SCN11A: variants seen among roughly 807,000 people sequenced by gnomAD.
The protein encoded by SCN11A is sodium channel protein type 11 subunit alpha.
SCN11A carries 122 observed loss-of-function variants against 162.2 expected under a neutral mutation model. That is an observed-to-expected ratio of 0.75 (90% CI 0.65 to 0.87). The LOEUF is 0.87. Ranked by LOEUF, SCN11A falls within the 40% of genes least tolerant of loss-of-function variation. The pLI is 0.00. For missense variants in SCN11A, 2,015 were observed against 2,181.6 expected (o/e 0.92, Z 1.52); for synonymous variants, 758 against 751.5 (o/e 1.01, Z -0.14).
chr3:38,935,180 C>T (rs964672046), intron 7 of SCN11A, among the ~76,000 whole-genome samples: 95 of 152,042 alleles, frequency 6.2e-4, no homozygotes, highest in Non-Finnish European at 1.1e-3. Context: ...TTGAAACCAA[C>T]GAGAGCAGAC....
chr3:38,929,131 G>GCGCGCGCGCGCA (rs774058202), intron 7 of SCN11A, among the ~76,000 whole-genome samples: 1 of 36,994 alleles, frequency 2.7e-5, no homozygotes, highest in East Asian at 9.0e-4. Context: ...CTGGGTCTGT[G>GCGCGCGCGCGCA]CACGCACACA....
intron 7 of SCN11A, among the ~76,000 whole-genome samples, chr3:38,944,175 T>C (rs2066481250): frequency 6.6e-6 from 1 of 152,176 alleles, no homozygotes; most frequent in South Asian, 2.1e-4. Context: ...CTCCATAAAT[T>C]AGAGAAGAAA....
At chr3:38,899,218 G>A (rs544202773) in intron 17 of SCN11A, among the ~76,000 whole-genome samples, 14 of 152,198 alleles carry the variant, frequency 9.2e-5, no homozygotes, top group Admixed American at 7.8e-4. Context: ...TACCTTTCCT[G>A]GGCTCTGTCA....
intron 24 of SCN11A, 145 bp downstream of exon 24, chr3:38,872,048 C>A: frequency 1.5e-6 from 1 of 674,306 alleles, no homozygotes. Flanking sequence ...TTTTCTCTAC[C>A]CCTCAAATTC....
chr3:38,927,793 T>A (rs2066167492), intron 7 of SCN11A, among the ~76,000 whole-genome samples: 1 of 152,128 alleles, frequency 6.6e-6, no homozygotes, highest in Non-Finnish European at 1.5e-5. Flanking sequence ...ATTACGAGAA[T>A]AGCATGGGGG....
intron 19 of SCN11A, among the ~76,000 whole-genome samples, chr3:38,889,163 T>C (rs879801336): frequency 1.6e-4 from 25 of 152,134 alleles, no homozygotes; most frequent in Non-Finnish European, 3.2e-4. Context: ...CGGTGGCTTA[T>C]GCCTGTAATT....
intron 2 of SCN11A, among the ~76,000 whole-genome samples, chr3:38,997,154 A>G (rs1215751978): frequency 6.6e-6 from 1 of 152,076 alleles, no homozygotes; most frequent in Non-Finnish European, 1.5e-5. Flanking sequence ...CGTTTCTCTC[A>G]AAGTCTTCAC....
intron 2 of SCN11A, among the ~76,000 whole-genome samples, chr3:38,975,158 C>T (rs2066841602): frequency 6.6e-6 from 1 of 151,848 alleles, no homozygotes; most frequent in Non-Finnish European, 1.5e-5. Flanking sequence ...AAAATACAGA[C>T]AATTTCAGAC....
chr3:38,978,617 G>C (rs2066863419), intron 2 of SCN11A, among the ~76,000 whole-genome samples: 1 of 151,502 alleles, frequency 6.6e-6, no homozygotes, highest in Non-Finnish European at 1.5e-5. Flanking sequence ...CTGCACTCCA[G>C]TCAGGATGAC....
chr3:39,023,376 T>C (rs1269757716), intron 2 of SCN11A, among the ~76,000 whole-genome samples: 1 of 152,220 alleles, frequency 6.6e-6, no homozygotes, highest in Non-Finnish European at 1.5e-5. Flanking sequence ...TACTTATTTT[T>C]TGTCTGCTCA....
intron 7 of SCN11A, among the ~76,000 whole-genome samples, chr3:38,933,157 G>T (rs1305391578): frequency 6.6e-6 from 1 of 152,224 alleles, no homozygotes; most frequent in African/African-American, 2.4e-5. Flanking sequence ...ACCTGCAGCT[G>T]AGGGTCCTGT....
intron 2 of SCN11A, among the ~76,000 whole-genome samples, chr3:38,987,704 C>T (rs1190770642): frequency 6.6e-6 from 1 of 152,132 alleles, no homozygotes; most frequent in East Asian, 1.9e-4. Flanking sequence ...TGAATCTTAC[C>T]TTAAAAATGC....
chr3:38,946,898 C>T lies in SCN11A; in HGVS notation c.277G>A (p.Val93Met), dbSNP rs907420944. 1.9e-6 allele frequency: 3 copies of T among 1,597,032 alleles called. No individual in the cohort carries two copies. In the African/African-American group the frequency reaches 4.1e-5, roughly 22 times the overall value. Residue 93 changes from valine to methionine, a missense_variant, in exon 6 of 30, where the codon GTG becomes ATG. Val to Met is a conservative substitution (Grantham distance 21). Coordinates refer to ENST00000302328, the MANE Select transcript of SCN11A (RefSeq NM_001349253.2). The part of the protein sequence containing the change: ...PFYRNHKTFM[V>M]LNRKRTIYRF... Reference sequence around the variant, plus strand: ...TAGATTGTCCTCTTTCTGTTTAACACCATAAATGTCTGCAAAACAAAAAAA... The same window carrying T: ...TAGATTGTCCTCTTTCTGTTTAACATCATAAATGTCTGCAAAACAAAAAAA...
At position 38,871,568 on chromosome 3, in the gene SCN11A, G is replaced by A. The variant is rs753779397; in HGVS notation, c.3636C>T (p.Asp1212=). 5.0e-6 allele frequency: 8 copies of A among 1,612,884 alleles called. No individual in the cohort carries two copies. The African/African-American group carries it at 5.3e-5, about 11-fold the overall frequency. ...GKFGKCINGT[D]SVINYTIITN... is the part of the protein sequence containing the mutation. ...TAATGATGGTATAATTTATAACTGA[G>A]TCTGTTCCATTAATGCATTTCCCAA... The change falls in exon 25 of 30, where the codon GAC becomes GAT. Residue 1212 remains aspartate, a synonymous_variant. Transcript: ENST00000302328.
At chr3:38,950,022 A>G in intron 5 of SCN11A, 74 bp downstream of exon 5, 4 of 856,090 alleles carry the variant, frequency 4.7e-6, no homozygotes, top group Non-Finnish European at 5.3e-6. Flanking sequence ...TGTTTGGAGA[A>G]CCTGTAACAC....
intron 2 of SCN11A, among the ~76,000 whole-genome samples, chr3:39,002,544 A>G (rs533410514): frequency 3.3e-4 from 51 of 152,376 alleles, no homozygotes; most frequent in African/African-American, 1.2e-3. Context: ...TACCCAGATC[A>G]CACAAACCAT....
intron 5 of SCN11A, among the ~76,000 whole-genome samples, chr3:38,947,583 C>A (rs73828737): frequency 0.016 from 2,422 of 152,288 alleles, 65 homozygotes; most frequent in African/African-American, 0.056. Flanking sequence ...CCAGGGATGC[C>A]AAACAGGACA....
chr3:38,900,973 C>T (rs760147410), intron 16 of SCN11A, among the ~76,000 whole-genome samples: 7 of 151,970 alleles, frequency 4.6e-5, no homozygotes, highest in Non-Finnish European at 7.4e-5. Context: ...AATTTCTTCA[C>T]GGCAAACAGC....
intron 23 of SCN11A, 27 bp from the exon 24 acceptor site, chr3:38,872,321 T>C (rs746669717): frequency 4.1e-6 from 5 of 1,231,494 alleles, no homozygotes; most frequent in Non-Finnish European, 6.0e-6. Flanking sequence ...CCACAGATAA[T>C]GTACCTGACT....
Sources: allele counts gnomAD v4.1 joint callset (sites outside exome capture counted in the v4.1 genomes callset), GRCh38; gene constraint gnomAD v4.1.1; transcripts MANE v1.5; gene names NCBI Gene and HGNC (gene_info 2026-07-23, HGNC 2026-07-21).